CPS1: variants seen among roughly 807,000 people sequenced by gnomAD.
The protein encoded by CPS1 is carbamoyl-phosphate synthase [ammonia], mitochondrial.
CPS1 carries 109 observed loss-of-function variants against 174.6 expected under a neutral mutation model. The observed-to-expected ratio is 0.62, with a 90% CI of 0.53 to 0.73. CPS1 has a LOEUF of 0.73. Among genes scored for constraint, CPS1 ranks in the 30% least tolerant of loss-of-function variants. The pLI, the probability that CPS1 is intolerant of heterozygous loss-of-function variation, is 0.00. For synonymous variants in CPS1, 637 were observed against 632.0 expected, an observed-to-expected ratio of 1.01 and a Z score of -0.12; for missense variants, 1,689 against 1,821.9, an observed-to-expected ratio of 0.93 and a Z score of 1.33.
At chr2:210,485,704 C>T (rs1240644517) in intron 1 of CPS1, among the ~76,000 whole-genome samples, 3 of 152,060 alleles carry the variant, frequency 2.0e-5, no homozygotes, top group African/African-American at 4.8e-5. Flanking sequence ...GAATTCTATC[C>T]AGCCATTGGC....
intron 25 of CPS1, among the ~76,000 whole-genome samples, chr2:210,646,779 T>C (rs978175699): frequency 5.3e-5 from 8 of 152,138 alleles, no homozygotes; most frequent in African/African-American, 1.7e-4. Context: ...AGTCTTGTTG[T>C]CTATAAAATT....
rs780425393 is a variant in CPS1, at chr2:210,576,487, C to T, written c.378C>T (p.Ile126=). 12 of 1,613,328 alleles carry T rather than the reference C, an allele frequency of 7.4e-6. No individual in the cohort carries two copies. The highest frequency in any genetic ancestry group is 1.3e-5 in the African/African-American group (1 of 74,858). ...GCAAATATTTGGAGTCTAATGGAAT[C>T]AAGGTAGTACCAGTGGTGGCCATTT... is the stretch of plus-strand genomic sequence containing the variant. ...GLSKYLESNG[I]KVSGLLVLDY... is the part of the protein sequence containing the mutation. The change falls in exon 3 of 38, where the codon ATC becomes ATT. Residue 126 remains isoleucine (I), a synonymous_variant. Coordinates refer to ENST00000233072, the MANE Select transcript of CPS1 (RefSeq NM_001875.5).
intron 1 of CPS1, among the ~76,000 whole-genome samples, chr2:210,561,466 T>G (rs1396373081): frequency 6.6e-6 from 1 of 152,222 alleles, no homozygotes; most frequent in Admixed American, 6.5e-5. Flanking sequence ...GTCTTATTGC[T>G]ATGGAAATGG....
intron 28 of CPS1, among the ~76,000 whole-genome samples, chr2:210,651,517 G>T (rs1156654454): frequency 6.6e-6 from 1 of 152,172 alleles, no homozygotes. Context: ...CTGGCCAGGG[G>T]TCCTGCCATG....
intron 21 of CPS1, among the ~76,000 whole-genome samples, chr2:210,629,435 C>T (rs556756287): frequency 4.6e-4 from 70 of 152,128 alleles, no homozygotes; most frequent in African/African-American, 1.7e-3. Flanking sequence ...CTGCCTCAGC[C>T]TCCCGAGTAG....
chr2:210,623,809 T>C (rs1699613750), intron 21 of CPS1, among the ~76,000 whole-genome samples: 1 of 152,172 alleles, frequency 6.6e-6, no homozygotes, highest in Non-Finnish European at 1.5e-5. Flanking sequence ...ATTGACTTTT[T>C]ATTTAACTTG....
intron 23 of CPS1, 100 bp downstream of exon 23, chr2:210,639,315 TA>T (rs1700135400): frequency 2.5e-5 from 25 of 1,002,840 alleles, no homozygotes; most frequent in Middle Eastern, 2.1e-4. Context: ...ATCTAGGTAA[TA>T]AAAAAAGGCA....
intron 1 of CPS1, among the ~76,000 whole-genome samples, chr2:210,568,749 C>T (rs935983550): frequency 4.6e-5 from 7 of 151,822 alleles, no homozygotes; most frequent in South Asian, 4.2e-4. Context: ...TTAAAATATT[C>T]GTAAGACTAA....
At chr2:210,594,139 T>G (rs2106115457) in intron 11 of CPS1, among the ~76,000 whole-genome samples, 1 of 151,984 alleles carries the variant, frequency 6.6e-6, no homozygotes, top group African/African-American at 2.4e-5. Flanking sequence ...TTTAAATTAG[T>G]ATTTCTAATT....
At chr2:210,631,022 T>G (rs549635486) in intron 21 of CPS1, among the ~76,000 whole-genome samples, 58,852 of 141,438 alleles carry the variant, frequency 0.42, 12,336 homozygotes, top group Middle Eastern at 0.51. Context: ...TTTGGAGTGT[T>G]TTTTTTTTTT....
intron 1 of CPS1, among the ~76,000 whole-genome samples, chr2:210,534,444 G>A (rs1473987302): frequency 1.3e-5 from 2 of 152,246 alleles, no homozygotes; most frequent in Middle Eastern, 3.4e-3. Context: ...ACTATATATT[G>A]CTGTGGGCCA....
chr2:210,498,474 A>T (rs1336149659), intron 1 of CPS1, among the ~76,000 whole-genome samples: 2 of 152,082 alleles, frequency 1.3e-5, no homozygotes, highest in African/African-American at 4.8e-5. Context: ...TTATTGGTGT[A>T]TGGAAATGCT....
intron 19 of CPS1, among the ~76,000 whole-genome samples, chr2:210,611,647 A>G (rs1277487797): frequency 6.6e-6 from 1 of 151,974 alleles, no homozygotes; most frequent in Non-Finnish European, 1.5e-5. Flanking sequence ...CTTAGCTGTA[A>G]GGAAAGCCAA....
intron 14 of CPS1, among the ~76,000 whole-genome samples, chr2:210,600,300 A>G (rs996856158): frequency 6.6e-6 from 1 of 152,042 alleles, no homozygotes; most frequent in Admixed American, 6.6e-5. Flanking sequence ...TCAGTATAAT[A>G]CTATGACTTT....
intron 1 of CPS1, among the ~76,000 whole-genome samples, chr2:210,570,101 T>C (rs1197728142): frequency 1.3e-5 from 2 of 151,956 alleles, no homozygotes; most frequent in East Asian, 1.9e-4. Flanking sequence ...GATAAGTCAA[T>C]TGGCACTCAT....
intron 12 of CPS1, 79 bp downstream of exon 12, chr2:210,594,685 G>A (rs1163989778): frequency 3.2e-6 from 3 of 942,272 alleles, no homozygotes; most frequent in Non-Finnish European, 5.2e-6. Context: ...ACTAAGTGAT[G>A]TAAGGCATAC....
intron 7 of CPS1, among the ~76,000 whole-genome samples, chr2:210,588,629 T>G (rs1006014024): frequency 1.3e-5 from 2 of 152,134 alleles, no homozygotes; most frequent in Non-Finnish European, 2.9e-5. Flanking sequence ...CAAGGAGAAC[T>G]TAACCATCAT....
chr2:210,656,810 C>T (rs1700722491), intron 30 of CPS1, among the ~76,000 whole-genome samples, 178 bp downstream of exon 30: 1 of 151,174 alleles, frequency 6.6e-6, no homozygotes, highest in Non-Finnish European at 1.5e-5. Flanking sequence ...TAACAATTTT[C>T]TTCACTGTCC....
intron 1 of CPS1, among the ~76,000 whole-genome samples, chr2:210,526,710 ATT>A (rs1245250234): frequency 1.3e-5 from 2 of 151,954 alleles, no homozygotes; most frequent in Non-Finnish European, 2.9e-5. Context: ...TGGTGGATAC[ATT>A]TGGGAAGCAG....
Sources: allele counts gnomAD v4.1 joint callset (sites outside exome capture counted in the v4.1 genomes callset), GRCh38; gene constraint gnomAD v4.1.1; transcripts MANE v1.5; gene names NCBI Gene and HGNC (gene_info 2026-07-23, HGNC 2026-07-21).